TRAPPC10: variants seen among roughly 807,000 people sequenced by gnomAD.
TRAPPC10 encodes trafficking protein particle complex subunit 10, also known as TRAPP 130 kDa subunit.
A neutral mutation model predicts 125.5 loss-of-function variants in TRAPPC10; 23 were observed. That is an observed-to-expected ratio of 0.18 (90% CI 0.13 to 0.26). TRAPPC10 has a LOEUF of 0.26. Among genes scored for constraint, TRAPPC10 ranks in the 10% least tolerant of loss-of-function variants. The probability of loss-of-function intolerance (pLI) is 1.00; values close to 1 mark genes in which losing one functional copy is unlikely to be tolerated. For synonymous variants in TRAPPC10, 509 were observed against 518.0 expected, an observed-to-expected ratio of 0.98 and a Z score of 0.24; for missense variants, 1,123 against 1,308.4, an observed-to-expected ratio of 0.86 and a Z score of 2.19.
chr21:44,083,067 A>G lies in TRAPPC10; in HGVS notation c.2003A>G (p.Gln668Arg). The G allele has an allele frequency of 1.2e-6, 2 of 1,614,094 alleles. No homozygotes were observed. The highest frequency in any genetic ancestry group is 8.5e-7 in the Non-Finnish European group (1 of 1,180,014). Reference sequence around the variant, plus strand: ...GAGACCGCACCTTTCCCTGTATCCCAAAACAGTTTGCCCGCGCTGGAGTTG... The same window carrying G: ...GAGACCGCACCTTTCCCTGTATCCCGAAACAGTTTGCCCGCGCTGGAGTTG... ...PPETAPFPVSQNSLPALELYE... is the reference protein window; with the variant it reads ...PPETAPFPVSRNSLPALELYE... Residue 668 changes from glutamine to arginine, a missense_variant, in exon 14 of 23, where the codon CAA (glutamine) becomes CGA (arginine). Gln to Arg is a conservative substitution (Grantham distance 43). Coordinates refer to ENST00000291574, the MANE Select transcript of TRAPPC10 (RefSeq NM_003274.5).
intron 6 of TRAPPC10, among the ~76,000 whole-genome samples, chr21:44,061,570 A>T (rs1377252956): frequency 6.6e-6 from 1 of 152,178 alleles, no homozygotes; most frequent in Non-Finnish European, 1.5e-5. Context: ...CCTGGCCTGT[A>T]TTTTTTAAAT....
At position 44,059,695 on chromosome 21, in the gene TRAPPC10, C is replaced by A; in HGVS notation, c.790+481C>A. On this transcript the variant is annotated intron_variant, in intron 6 of 22. Transcript: ENST00000291574. The surrounding 1 kb of genome is among the most constrained non-coding windows in gnomAD (Gnocchi z 4.4). Reference sequence around the variant, plus strand: ...AATTAAAGAATTAGCACAGTGAAACCATACACAGAGAGAAACATTGGTTAT... The same window carrying A: ...AATTAAAGAATTAGCACAGTGAAACAATACACAGAGAGAAACATTGGTTAT... The A allele has an allele frequency of 1.9e-6, 1 of 521,008 alleles. No individual in the cohort carries two copies. Among genetic ancestry groups the A allele is most frequent in the Non-Finnish European group, 3.4e-6 (1 of 292,116 alleles). 32.3% of individuals were successfully genotyped at this position (521,008 alleles called of 1,614,324 possible).
At position 44,020,752 on chromosome 21, in the gene TRAPPC10, G is replaced by A. The variant is rs11909260; in HGVS notation, c.67+8192G>A. On this transcript the variant is annotated intron_variant, in intron 1 of 22. Coordinates refer to ENST00000291574, the MANE Select transcript of TRAPPC10 (RefSeq NM_003274.5). ...TCAATCTGTAGCTTGCCATTTGTGG[G>A]CACTGTCAGTTCACCTAGACCAGTC... Among the ~76,000 whole-genome samples the A allele has an allele frequency of 3.9e-3, 597 of 152,310 alleles. 5 individuals carry two copies. The highest frequency in any genetic ancestry group is 0.013 in the African/African-American group (555 of 41,562).
At chr21:44,086,996 C>T in intron 16 of TRAPPC10, 36 bp downstream of exon 16, 2 of 1,609,376 alleles carry the variant, frequency 1.2e-6, no homozygotes, top group Middle Eastern at 1.8e-4. Context: ...AGGAGGATGC[C>T]CACCTTGCCC....
chr21:44,015,810 C>T lies in TRAPPC10; in HGVS notation c.67+3250C>T, dbSNP rs546800665. On this transcript the variant is annotated intron_variant, in intron 1 of 22. Transcript: ENST00000291574. ...TTGTATTTTAATAGAGACACAGTTT[C>T]ACCTTGTTGGCCAGGCAGGTCTAGA... Among the ~76,000 whole-genome samples the T allele has an allele frequency of 2.5e-3, 380 of 152,212 alleles. 4 individuals are homozygous for T. Among genetic ancestry groups the T allele is most frequent in the Non-Finnish European group, 3.6e-3 (248 of 68,022 alleles).
At chr21:44,060,712 T>A (rs2035972221) in intron 6 of TRAPPC10, among the ~76,000 whole-genome samples, 2 of 151,742 alleles carry the variant, frequency 1.3e-5, no homozygotes, top group South Asian at 4.2e-4. Flanking sequence ...GCGATTTTCG[T>A]GCCTAAGCCT....
At chr21:44,070,275 A>G (rs1569192703) in intron 7 of TRAPPC10, among the ~76,000 whole-genome samples, 1 of 152,254 alleles carries the variant, frequency 6.6e-6, no homozygotes, top group Non-Finnish European at 1.5e-5. Flanking sequence ...GCCATTGCTA[A>G]TACAGCAATC....
Position 44,080,004 on chromosome 21 carries a change from C to T in TRAPPC10, c.1611-11C>T. 6.8e-6 allele frequency: 11 copies of T among 1,612,712 alleles called. No individual in the cohort carries two copies. The highest frequency in any genetic ancestry group is 9.3e-6 in the Non-Finnish European group (11 of 1,178,868). The stretch of plus-strand genomic sequence containing the variant: ...ATGAGCCTCTCCACGCTCCTTACCT[C>T]TCCGCTCCAGCTACCTGCAGACCAG... On this transcript the variant is annotated splice_polypyrimidine_tract_variant and intron_variant, in intron 12 of 22. Coordinates refer to ENST00000291574, the MANE Select transcript of TRAPPC10 (RefSeq NM_003274.5).
Position 44,083,194 on chromosome 21 carries a change from C to T in TRAPPC10, c.2130C>T (p.Ser710=), listed in dbSNP as rs1201002944. 11 of 1,614,236 alleles carry T rather than the reference C, an allele frequency of 6.8e-6. No individual in the cohort carries two copies. The highest frequency in any genetic ancestry group is 9.3e-6 in the Non-Finnish European group (11 of 1,180,048). The change falls in exon 14 of 23, where the codon TCC becomes TCT. Residue 710 remains serine (S), a synonymous_variant. Coordinates refer to ENST00000291574, the MANE Select transcript of TRAPPC10 (RefSeq NM_003274.5). ...TCCTGAGAAGGCAGGAGAGCAGCTCCTCTCTAGAGATGCCCTCAGGGGTGG... is the reference window on the plus strand; with the variant it reads ...TCCTGAGAAGGCAGGAGAGCAGCTCTTCTCTAGAGATGCCCTCAGGGGTGG... ...HMLLRRQESS[S]SLEMPSGVAL...
chr21:44,072,709 C>T (rs1449329128), intron 7 of TRAPPC10, among the ~76,000 whole-genome samples: 1 of 152,140 alleles, frequency 6.6e-6, no homozygotes, highest in Non-Finnish European at 1.5e-5. Context: ...GGTGATCTGC[C>T]CACCTCGGCC....
chr21:44,076,013 C>T (rs944628421), intron 9 of TRAPPC10, among the ~76,000 whole-genome samples: 14 of 151,290 alleles, frequency 9.3e-5, no homozygotes, highest in African/African-American at 3.2e-4. Context: ...TGCTCCATTG[C>T]ACTCCAGCCT....
chr21:44,063,024 T>C lies in TRAPPC10; in HGVS notation c.791-514T>C. On this transcript the variant is annotated intron_variant, in intron 6 of 22. Transcript: ENST00000291574. The surrounding 1 kb of genome is among the most constrained non-coding windows in gnomAD (Gnocchi z 4.4). ...AATTCTTTTTCCTTCTATGTGCTGC[T>C]ACCAAGTCCTCCCTGTCCCTTCCTC... 3.1e-6 allele frequency: 4 copies of C among 1,304,348 alleles called. No individual in the cohort carries two copies. The highest frequency in any genetic ancestry group is 3.0e-6 in the Non-Finnish European group (3 of 989,040). 80.8% of individuals were successfully genotyped at this position (1,304,348 alleles called of 1,614,324 possible). A position where few individuals can be genotyped will look rare whatever the true frequency, so the allele number is the denominator to read the frequency against.
At chr21:44,066,092 C>T (rs953586518) in intron 7 of TRAPPC10, among the ~76,000 whole-genome samples, 2 of 152,132 alleles carry the variant, frequency 1.3e-5, no homozygotes, top group East Asian at 1.9e-4. Flanking sequence ...GAGCAGAGGC[C>T]AGGGGGTAGG....
rs1028804319 is a variant in TRAPPC10 at position 44,023,025 on chromosome 21, C to CTTTTTTTTTTT, written c.68-9051_68-9041dup. On this transcript the variant is annotated intron_variant, in intron 1 of 22. Coordinates refer to ENST00000291574, the MANE Select transcript of TRAPPC10 (RefSeq NM_003274.5). ...TGGTGATATTCTCATTTCCCTATGTCTTTTTTTTTTTTTTTTTTTTTTTTT... is the reference window on the plus strand; with the variant it reads ...TGGTGATATTCTCATTTCCCTATGTCTTTTTTTTTTTTTTTTTTTTTTTTTTTTTTTTTTTT... Among the ~76,000 whole-genome samples the CTTTTTTTTTTT allele has an allele frequency of 1.1e-4, 9 of 80,234 alleles. 1 individual carries two copies. Among genetic ancestry groups the CTTTTTTTTTTT allele is most frequent in the African/African-American group, 4.6e-4 (8 of 17,466 alleles). The allele number at this position is 80,234 out of a possible 152,430, so 52.6% of individuals were successfully genotyped here.
Position 44,059,449 on chromosome 21 carries a change from A to G in TRAPPC10, c.790+235A>G. ...AGTAACAAAAATAATAATAATTTAA[A>G]AAAACTGTTTTCCAGGTATAAAATG... On this transcript the variant is annotated intron_variant, in intron 6 of 22. Transcript: ENST00000291574. This position sits in a 1 kb window ranked among gnomAD's most constrained non-coding sequence, Gnocchi z 4.4. 1.4e-6 allele frequency: 1 copy of G among 718,180 alleles called. No individual in the cohort carries two copies. The allele number at this position is 718,180 out of a possible 1,614,324, so 44.5% of individuals were successfully genotyped here. A position where few individuals can be genotyped will look rare whatever the true frequency, so the allele number is the denominator to read the frequency against.
intron 7 of TRAPPC10, among the ~76,000 whole-genome samples, chr21:44,066,384 C>T (rs1040369290): frequency 2.0e-5 from 3 of 152,138 alleles, no homozygotes; most frequent in Non-Finnish European, 4.4e-5. Context: ...TTGCGCACTC[C>T]CTTAATGGAA....
chr21:44,087,330 TC>T lies in TRAPPC10; in HGVS notation c.2540-366del, dbSNP rs1252773666. Among the ~76,000 whole-genome samples, 3 of 151,888 alleles carry T rather than the reference TC, an allele frequency of 2.0e-5. No individual in the cohort carries two copies. Among genetic ancestry groups the T allele is most frequent in the Admixed American group, 6.6e-5 (1 of 15,264 alleles). On this transcript the variant is annotated intron_variant, in intron 16 of 22. Coordinates refer to ENST00000291574, the MANE Select transcript of TRAPPC10 (RefSeq NM_003274.5). The surrounding 1 kb of genome is among the most constrained non-coding windows in gnomAD (Gnocchi z 4.6). Reference sequence around the variant, plus strand: ...AGGTGCTGTTGAGAGCCCTGAGCACTCCCATCCTCCCAGCCACGAGGAAGGG... The same window carrying T: ...AGGTGCTGTTGAGAGCCCTGAGCACTCCATCCTCCCAGCCACGAGGAAGGG...
Position 44,083,116 on chromosome 21 carries a change from A to G in TRAPPC10, c.2052A>G (p.Pro684=), listed in dbSNP as rs146311647. The G allele has an allele frequency of 2.4e-5, 39 of 1,614,170 alleles. No homozygotes were observed. The African/African-American group carries it at 5.2e-4, about 22-fold the overall frequency. The stretch of plus-strand genomic sequence containing the variant: ...TGTATGAAATGTTTGAGAGAAGCCC[A>G]TCTGATAACTCCTTGAACACGACTG... ...LELYEMFERS[P]SDNSLNTTGI... is the part of the protein sequence containing the mutation. The change falls in exon 14 of 23, where the codon CCA becomes CCG. Residue 684 remains proline (P), a synonymous_variant. Transcript: ENST00000291574.
rs1179673892 is a variant in TRAPPC10, at chr21:44,084,194, C to A, written c.2311C>A (p.His771Asn). Reference protein sequence around the residue: ...SVGSVWFVLPHIYPIVQYDVY... With the variant: ...SVGSVWFVLPNIYPIVQYDVY... ...GGGCTCCGTGTGGTTCGTCCTCCCT[C>A]ACATCTACCCCATTGTGCAGTACGA... is the stretch of plus-strand genomic sequence containing the variant. The change falls in exon 15 of 23, where the codon CAC (histidine) becomes AAC (asparagine). Residue 771 changes from histidine (H) to asparagine (N), a missense_variant. Coordinates refer to ENST00000291574, the MANE Select transcript of TRAPPC10 (RefSeq NM_003274.5). 6.2e-7 allele frequency: 1 copy of A among 1,614,084 alleles called. No homozygotes were observed. The highest frequency in any genetic ancestry group is 1.3e-5 in the African/African-American group (1 of 74,940).
Sources: allele counts gnomAD v4.1 joint callset (sites outside exome capture counted in the v4.1 genomes callset), GRCh38; gene constraint gnomAD v4.1.1; non-coding constraint Gnocchi (gnomAD v3.1); transcripts MANE v1.5; gene names NCBI Gene and HGNC (gene_info 2026-07-23, HGNC 2026-07-21).